BTRC: variants seen among roughly 807,000 people sequenced by gnomAD.
BTRC encodes the protein beta-transducin repeat containing E3 ubiquitin protein ligase.
BTRC carries 42 observed loss-of-function variants against 85.5 expected under a neutral mutation model. The ratio of observed to expected loss-of-function variants is 0.49; its 90% CI spans 0.38 to 0.64. The LOEUF (loss-of-function observed/expected upper bound fraction) is 0.64. BTRC is among the 30% of genes least tolerant of loss of function. The probability of loss-of-function intolerance (pLI) is 0.00; values close to 1 mark genes in which losing one functional copy is unlikely to be tolerated. For synonymous variants in BTRC, 255 were observed against 263.3 expected, an observed-to-expected ratio of 0.97 and a Z score of 0.30; for missense variants, 594 against 743.5, an observed-to-expected ratio of 0.80 and a Z score of 2.34.
intron 4 of BTRC, among the ~76,000 whole-genome samples, chr10:101,500,314 T>C (rs1420884384): frequency 6.6e-6 from 1 of 152,142 alleles, no homozygotes; most frequent in Non-Finnish European, 1.5e-5. Context: ...TGTTTGTGTA[T>C]CTAAACATTT....
chr10:101,377,444 T>G (rs1038171110), intron 1 of BTRC, among the ~76,000 whole-genome samples: 2 of 152,232 alleles, frequency 1.3e-5, no homozygotes, highest in Non-Finnish European at 2.9e-5. Flanking sequence ...GTTTAACCTT[T>G]TTAGAAATTG....
At chr10:101,473,581 C>T (rs1412248571) in intron 3 of BTRC, among the ~76,000 whole-genome samples, 1 of 150,876 alleles carries the variant, frequency 6.6e-6, no homozygotes, top group Non-Finnish European at 1.5e-5. Context: ...AGCGATTCTC[C>T]TCCCTCTGCC....
At position 101,397,650 on chromosome 10, in the gene BTRC, CTT is replaced by C. The variant is rs1943397069; in HGVS notation, c.49-32692_49-32691del. ...TAGGAAATTTATTTATTGAAAATGA[CTT>C]TTAAAAAATAGGGTGTTTTCCTTTC... On this transcript the variant is annotated intron_variant, in intron 1 of 14. Transcript: ENST00000370187. 3.3e-5 allele frequency among the ~76,000 whole-genome samples: 5 copies of C among 152,218 alleles called. No individual in the cohort carries two copies. The South Asian group carries it at 1.0e-3, about 32-fold the overall frequency.
chr10:101,513,854 T>C (rs1453486045), intron 4 of BTRC, among the ~76,000 whole-genome samples: 2 of 152,272 alleles, frequency 1.3e-5, no homozygotes, highest in Non-Finnish European at 2.9e-5. Context: ...ACTGTCAACT[T>C]GTTTTCCAAA....
At chr10:101,364,462 A>G (rs536741800) in intron 1 of BTRC, among the ~76,000 whole-genome samples, 1 of 152,076 alleles carries the variant, frequency 6.6e-6, no homozygotes, top group African/African-American at 2.4e-5. Context: ...TCAAGGTCAT[A>G]CATAATAACC....
chr10:101,461,588 A>G (rs968516004), intron 2 of BTRC, among the ~76,000 whole-genome samples: 4 of 152,184 alleles, frequency 2.6e-5, no homozygotes, highest in African/African-American at 9.7e-5. Flanking sequence ...AGACTTGGAG[A>G]TCTGTGCCAA....
chr10:101,551,012 G>C, intron 14 of BTRC, 121 bp downstream of exon 14: 1 of 909,396 alleles, frequency 1.1e-6, no homozygotes, highest in South Asian at 2.0e-5. Context: ...TAAAGCCGAG[G>C]AAGCAGACAA....
chr10:101,369,747 G>A (rs569058054), intron 1 of BTRC, among the ~76,000 whole-genome samples: 1 of 152,294 alleles, frequency 6.6e-6, no homozygotes, highest in Non-Finnish European at 1.5e-5. Context: ...AAAACCATGA[G>A]TTCACACTGA....
At chr10:101,394,970 A>G (rs915885541) in intron 1 of BTRC, among the ~76,000 whole-genome samples, 3 of 152,220 alleles carry the variant, frequency 2.0e-5, no homozygotes, top group Admixed American at 6.5e-5. Flanking sequence ...TAATTCACCA[A>G]TCCTGTCAAC....
intron 1 of BTRC, among the ~76,000 whole-genome samples, chr10:101,413,379 T>A (rs921453319): frequency 1.9e-4 from 29 of 152,246 alleles, no homozygotes; most frequent in Non-Finnish European, 3.7e-4. Context: ...AGTGGTGCAA[T>A]CTCGGCTCAC....
intron 13 of BTRC, among the ~76,000 whole-genome samples, chr10:101,539,968 A>T (rs1054929792): frequency 6.6e-6 from 1 of 152,122 alleles, no homozygotes; most frequent in Non-Finnish European, 1.5e-5. Flanking sequence ...ATCTTTTCCC[A>T]TTTTTTAATT....
intron 3 of BTRC, among the ~76,000 whole-genome samples, chr10:101,467,288 G>A (rs145840992): frequency 6.7e-6 from 1 of 148,158 alleles, no homozygotes; most frequent in African/African-American, 2.5e-5. Context: ...GATTGATGAG[G>A]GAAAAAGGTT....
In BTRC at chr10:101,398,434, C is replaced by T. The variant is rs7897238; in HGVS notation, c.49-31911C>T. ...TCTCCTGCCTCAGCCTCCCGAGTAG[C>T]TGGGACTACAGGTGCCCGACACTGT... On this transcript the variant is annotated intron_variant, in intron 1 of 14. Coordinates refer to ENST00000370187, the MANE Select transcript of BTRC (RefSeq NM_033637.4). 1.2e-3 allele frequency among the ~76,000 whole-genome samples: 180 copies of T among 152,128 alleles called. 1 individual carries two copies. The highest frequency in any genetic ancestry group is 4.1e-3 in the African/African-American group (171 of 41,498).
intron 2 of BTRC, among the ~76,000 whole-genome samples, chr10:101,456,007 C>CACACACACACAT (rs1368724981): frequency 6.6e-6 from 1 of 150,574 alleles, no homozygotes; most frequent in Non-Finnish European, 1.5e-5. Flanking sequence ...CACACACACA[C>CACACACACACAT]ACACACACAC....
intron 2 of BTRC, among the ~76,000 whole-genome samples, chr10:101,440,902 T>C (rs370509457): frequency 6.6e-6 from 1 of 152,214 alleles, no homozygotes; most frequent in East Asian, 1.9e-4. Flanking sequence ...CCTGCTCCTT[T>C]GTAGCCAGAT....
intron 2 of BTRC, among the ~76,000 whole-genome samples, chr10:101,454,298 C>G (rs1461972551): frequency 6.6e-6 from 1 of 152,186 alleles, no homozygotes; most frequent in Non-Finnish European, 1.5e-5. Context: ...AGACATTTAT[C>G]TAATTAAGTG....
chr10:101,548,172 GT>G (rs1434551795), intron 13 of BTRC, among the ~76,000 whole-genome samples: 1 of 152,198 alleles, frequency 6.6e-6, no homozygotes, highest in African/African-American at 2.4e-5. Context: ...TTAAAAAATT[GT>G]TTCATAGTAT....
At chr10:101,354,297 C>G in intron 1 of BTRC, 69 bp downstream of exon 1, 2 of 1,518,564 alleles carry the variant, frequency 1.3e-6, no homozygotes, top group South Asian at 2.4e-5. Context: ...GCCTGGGCCG[C>G]CCGCCCACTG....
At chr10:101,402,369 ATTTG>A (rs1309854056) in intron 1 of BTRC, among the ~76,000 whole-genome samples, 3 of 152,190 alleles carry the variant, frequency 2.0e-5, no homozygotes, top group Admixed American at 6.5e-5. Context: ...ATTTTAAAGC[ATTTG>A]TTTGTTCAAA....
Sources: gnomAD v4.1 joint callset for allele counts (sites outside exome capture counted in the v4.1 genomes callset) on GRCh38, gnomAD v4.1.1 for gene constraint, MANE v1.5 for transcripts, NCBI Gene and HGNC (gene_info 2026-07-23, HGNC 2026-07-21) for gene names.